H2BC9: variants seen among roughly 807,000 people sequenced by gnomAD.
H2BC9 encodes the protein histone H2B type 1-H.
In H2BC9, 11 loss-of-function variants were observed where a neutral mutation model predicts 5.8. The observed-to-expected ratio is 1.89, with a 90% CI of 1.19 to 3.12. The LOEUF is 3.12. Ranked by LOEUF, H2BC9 falls within the 30% of genes most tolerant of loss-of-function variation. The pLI is 0.00. For missense variants in H2BC9, 219 were observed against 167.8 expected, an observed-to-expected ratio of 1.30 and a Z score of -1.68; for synonymous variants, 136 against 72.2, an observed-to-expected ratio of 1.88 and a Z score of -4.48.
rs1159649937 is a variant in H2BC9, at chr6:26,251,775, T to TGTA, written c.125_126insGTA (p.Tyr43dup). 2.5e-6 allele frequency: 4 copies of TGTA among 1,614,142 alleles called. No homozygotes were observed. In the East Asian group the frequency reaches 8.9e-5, roughly 36 times the overall value. ...CGCAAGGAGAGCTACTCCGTATACGTTTACAAGGTGCTGAAGCAAGTCCAC... is the reference window on the plus strand; with the variant it reads ...CGCAAGGAGAGCTACTCCGTATACGTGTATTACAAGGTGCTGAAGCAAGTCCAC... On this transcript the variant is annotated inframe_insertion, in exon 1 of 1. Transcript: ENST00000619466.
chr6:26,251,806 C>T lies in H2BC9; in HGVS notation c.156C>T (p.Asp52=), dbSNP rs762786034. 27 of 1,614,136 alleles carry T rather than the reference C, an allele frequency of 1.7e-5. No individual in the cohort carries two copies. The highest frequency in any genetic ancestry group is 1.1e-4 in the East Asian group (5 of 44,902). Residue 52 remains aspartate (D), a synonymous_variant, in exon 1 of 1, where the codon GAC becomes GAT. Transcript: ENST00000619466. ...VYKVLKQVHP[D]TGISSKAMGI... ...AGGTGCTGAAGCAAGTCCACCCCGA[C>T]ACCGGCATCTCCTCCAAAGCCATGG...
At position 26,251,711 on chromosome 6, in the gene H2BC9, A is replaced by T; in HGVS notation, c.61A>T (p.Lys21Ter). ...PKKGSKKAVT[K>*]AQKKDGKKRK... ...GAAGGGCTCCAAGAAGGCGGTGACC[A>T]AGGCGCAGAAGAAGGATGGCAAGAA... The change falls in exon 1 of 1, where the codon AAG (lysine) becomes TAG (stop). Residue 21 changes from lysine (K) to a stop codon, truncating the protein, a stop_gained. Transcript: ENST00000619466. LOFTEE classifies it high-confidence loss of function. The T allele has an allele frequency of 6.2e-7, 1 of 1,614,180 alleles. No homozygotes were observed. Among genetic ancestry groups the T allele is most frequent in the Non-Finnish European group, 8.5e-7 (1 of 1,180,028 alleles).
rs751865024 is a variant in H2BC9, at chr6:26,251,758, G to A, written c.108G>A (p.Glu36=). The A allele has an allele frequency of 2.4e-5, 39 of 1,614,228 alleles. No homozygotes were observed. Among genetic ancestry groups the A allele is most frequent in the Admixed American group, 1.8e-4 (11 of 60,030 alleles). Residue 36 remains glutamate (E), a synonymous_variant, in exon 1 of 1, where the codon GAG becomes GAA. Transcript: ENST00000619466. ...DGKKRKRSRK[E]SYSVYVYKVL... is the part of the protein sequence containing the mutation. ...AGAAGCGTAAACGCAGCCGCAAGGA[G>A]AGCTACTCCGTATACGTTTACAAGG...
At position 26,251,774 on chromosome 6, in the gene H2BC9, G is replaced by A. The variant is rs1326599450; in HGVS notation, c.124G>A (p.Val42Ile). The A allele has an allele frequency of 5.0e-6, 8 of 1,614,102 alleles. No homozygotes were observed. In the African/African-American group the frequency reaches 5.3e-5, roughly 11 times the overall value. ...RSRKESYSVY[V>I]YKVLKQVHPD... Reference sequence around the variant, plus strand: ...CCGCAAGGAGAGCTACTCCGTATACGTTTACAAGGTGCTGAAGCAAGTCCA... The same window carrying A: ...CCGCAAGGAGAGCTACTCCGTATACATTTACAAGGTGCTGAAGCAAGTCCA... The change falls in exon 1 of 1, where the codon GTT becomes ATT. Residue 42 changes from valine to isoleucine, a missense_variant. Coordinates refer to ENST00000619466, the MANE Select transcript of H2BC9 (RefSeq NM_003524.3).
Position 26,251,932 on chromosome 6 carries a change from G to A in H2BC9, c.282G>A (p.Glu94=), listed in dbSNP as rs545075641. The A allele has an allele frequency of 4.3e-6, 7 of 1,614,242 alleles. No individual in the cohort carries two copies. In the Admixed American group the frequency reaches 6.7e-5, roughly 15 times the overall value. The stretch of plus-strand genomic sequence containing the variant: ...AGCGTTCGACCATCACCTCCAGGGA[G>A]ATCCAGACAGCCGTGCGCCTGCTGC... The part of the protein sequence containing the change: ...YNKRSTITSR[E]IQTAVRLLLP... Residue 94 remains glutamate, a synonymous_variant, in exon 1 of 1, where the codon GAG becomes GAA. Coordinates refer to ENST00000619466, the MANE Select transcript of H2BC9 (RefSeq NM_003524.3).
In H2BC9 at chr6:26,251,900, T is replaced by G; in HGVS notation, c.250T>G (p.Tyr84Asp). 1 of 1,614,178 alleles carries G rather than the reference T, an allele frequency of 6.2e-7. No individual in the cohort carries two copies. The highest frequency in any genetic ancestry group is 8.5e-7 in the Non-Finnish European group (1 of 1,180,030). ...CGGCGAGGCTTCCCGCCTGGCTCAT[T>G]ACAACAAGCGTTCGACCATCACCTC... ...IAGEASRLAH[Y>D]NKRSTITSRE... Residue 84 changes from tyrosine (Y) to aspartate (D), a missense_variant, in exon 1 of 1, where the codon TAC (tyrosine) becomes GAC (aspartate). Physicochemically the swap from Tyr to Asp is radical, Grantham distance 160. Transcript: ENST00000619466.
rs775679677 is a variant in H2BC9 at position 26,251,973 on chromosome 6, C to A, written c.323C>A (p.Ala108Asp). The A allele has an allele frequency of 6.2e-7, 1 of 1,614,238 alleles. No individual in the cohort carries two copies. The highest frequency in any genetic ancestry group is 8.5e-7 in the Non-Finnish European group (1 of 1,180,044). ...CGCCTGCTGCTGCCTGGGGAACTGG[C>A]CAAGCACGCCGTGTCCGAGGGCACT... is the stretch of plus-strand genomic sequence containing the variant. Reference protein sequence around the residue: ...AVRLLLPGELAKHAVSEGTKA... With the variant: ...AVRLLLPGELDKHAVSEGTKA... The change falls in exon 1 of 1, where the codon GCC becomes GAC. Residue 108 changes from alanine (A) to aspartate (D), a missense_variant. Transcript: ENST00000619466.
Position 26,251,937 on chromosome 6 carries a change from A to G in H2BC9, c.287A>G (p.Gln96Arg). The G allele has an allele frequency of 6.2e-7, 1 of 1,614,230 alleles. No homozygotes were observed. Among genetic ancestry groups the G allele is most frequent in the Non-Finnish European group, 8.5e-7 (1 of 1,180,046 alleles). Residue 96 changes from glutamine (Q) to arginine (R), a missense_variant, in exon 1 of 1, where the codon CAG becomes CGG. Physicochemically the swap from Gln to Arg is conservative, Grantham distance 43 (BLOSUM62 1). Coordinates refer to ENST00000619466, the MANE Select transcript of H2BC9 (RefSeq NM_003524.3). The part of the protein sequence containing the change: ...KRSTITSREI[Q>R]TAVRLLLPGE... Reference sequence around the variant, plus strand: ...TCGACCATCACCTCCAGGGAGATCCAGACAGCCGTGCGCCTGCTGCTGCCT... The same window carrying G: ...TCGACCATCACCTCCAGGGAGATCCGGACAGCCGTGCGCCTGCTGCTGCCT...
rs1760074364 is a variant in H2BC9, at chr6:26,251,672, G to C, written c.22G>C (p.Ala8Pro). MPDPAKSAPAPKKGSKKA... is the reference protein window; with the variant it reads MPDPAKSPPAPKKGSKKA... ...TGCAATGCCTGATCCAGCTAAGTCC[G>C]CTCCCGCCCCGAAGAAGGGCTCCAA... The change falls in exon 1 of 1, where the codon GCT becomes CCT. Residue 8 changes from alanine (A) to proline (P), a missense_variant. Ala to Pro is a conservative substitution (Grantham distance 27). Transcript: ENST00000619466. 9.3e-6 allele frequency: 15 copies of C among 1,614,070 alleles called. No homozygotes were observed. Among genetic ancestry groups the C allele is most frequent in the Non-Finnish European group, 1.3e-5 (15 of 1,180,026 alleles).
At position 26,251,935 on chromosome 6, in the gene H2BC9, C is replaced by A. The variant is rs753701048; in HGVS notation, c.285C>A (p.Ile95=). The change falls in exon 1 of 1, where the codon ATC becomes ATA. Residue 95 remains isoleucine (I), a synonymous_variant. Coordinates refer to ENST00000619466, the MANE Select transcript of H2BC9 (RefSeq NM_003524.3). ...NKRSTITSRE[I]QTAVRLLLPG... ...GTTCGACCATCACCTCCAGGGAGATCCAGACAGCCGTGCGCCTGCTGCTGC... is the reference window on the plus strand; with the variant it reads ...GTTCGACCATCACCTCCAGGGAGATACAGACAGCCGTGCGCCTGCTGCTGC... 161 of 1,614,116 alleles carry A rather than the reference C, an allele frequency of 1.0e-4. No homozygotes were observed. Among genetic ancestry groups the A allele is most frequent in the Admixed American group, 1.3e-4 (8 of 60,016 alleles).
chr6:26,251,636 C>G lies in H2BC9; in HGVS notation c.-15C>G, dbSNP rs779996839. ...TTCACTTTGGGGTGTATTCTTACTCCTTTATCTTGTTGCAATGCCTGATCC... is the reference window on the plus strand; with the variant it reads ...TTCACTTTGGGGTGTATTCTTACTCGTTTATCTTGTTGCAATGCCTGATCC... On this transcript the variant is annotated 5_prime_UTR_variant, in exon 1 of 1. Coordinates refer to ENST00000619466, the MANE Select transcript of H2BC9 (RefSeq NM_003524.3). The G allele has an allele frequency of 6.2e-7, 1 of 1,613,990 alleles. No homozygotes were observed. The highest frequency in any genetic ancestry group is 1.3e-5 in the African/African-American group (1 of 75,016).
chr6:26,251,837 A>T lies in H2BC9; in HGVS notation c.187A>T (p.Met63Leu), dbSNP rs745509152. The change falls in exon 1 of 1, where the codon ATG becomes TTG. Residue 63 changes from methionine to leucine, a missense_variant. Met to Leu is a conservative substitution (Grantham distance 15). Coordinates refer to ENST00000619466, the MANE Select transcript of H2BC9 (RefSeq NM_003524.3). The part of the protein sequence containing the change: ...TGISSKAMGI[M>L]NSFVNDIFER... Reference sequence around the variant, plus strand: ...CATCTCCTCCAAAGCCATGGGGATCATGAATTCCTTTGTCAACGATATCTT... The same window carrying T: ...CATCTCCTCCAAAGCCATGGGGATCTTGAATTCCTTTGTCAACGATATCTT... The T allele has an allele frequency of 5.6e-6, 9 of 1,614,124 alleles. No individual in the cohort carries two copies. The highest frequency in any genetic ancestry group is 3.3e-5 in the South Asian group (3 of 91,094).
Position 26,251,739 on chromosome 6 carries a change from G to A in H2BC9, c.89G>A (p.Arg30His), listed in dbSNP as rs149934542. ...TKAQKKDGKKRKRSRKESYSV... is the reference protein window; with the variant it reads ...TKAQKKDGKKHKRSRKESYSV... ...GCGCAGAAGAAGGATGGCAAGAAGC[G>A]TAAACGCAGCCGCAAGGAGAGCTAC... The change falls in exon 1 of 1, where the codon CGT becomes CAT. Residue 30 changes from arginine (R) to histidine (H), a missense_variant. Transcript: ENST00000619466. 2 of 1,614,186 alleles carry A rather than the reference G, an allele frequency of 1.2e-6. No individual in the cohort carries two copies. Among genetic ancestry groups the A allele is most frequent in the South Asian group, 1.1e-5 (1 of 91,078 alleles).
At position 26,251,737 on chromosome 6, in the gene H2BC9, G is replaced by GC; in HGVS notation, c.88dup (p.Arg30ProfsTer2). 1 of 1,614,206 alleles carries GC rather than the reference G, an allele frequency of 6.2e-7. No homozygotes were observed. The highest frequency in any genetic ancestry group is 1.1e-5 in the South Asian group (1 of 91,084). On this transcript the variant is annotated frameshift_variant, in exon 1 of 1. Coordinates refer to ENST00000619466, the MANE Select transcript of H2BC9 (RefSeq NM_003524.3). LOFTEE classifies it high-confidence loss of function. Reference sequence around the variant, plus strand: ...AGGCGCAGAAGAAGGATGGCAAGAAGCGTAAACGCAGCCGCAAGGAGAGCT... The same window carrying GC: ...AGGCGCAGAAGAAGGATGGCAAGAAGCCGTAAACGCAGCCGCAAGGAGAGCT...
Position 26,251,829 on chromosome 6 carries a change from T to TG in H2BC9, c.183dup (p.Ile62AspfsTer56). 6.2e-7 allele frequency: 1 copy of TG among 1,614,178 alleles called. No homozygotes were observed. The highest frequency in any genetic ancestry group is 1.3e-5 in the African/African-American group (1 of 75,032). The stretch of plus-strand genomic sequence containing the variant: ...GACACCGGCATCTCCTCCAAAGCCA[T>TG]GGGGATCATGAATTCCTTTGTCAAC... On this transcript the variant is annotated frameshift_variant, in exon 1 of 1. Coordinates refer to ENST00000619466, the MANE Select transcript of H2BC9 (RefSeq NM_003524.3). LOFTEE classifies it high-confidence loss of function.
In H2BC9 at chr6:26,251,896, T is replaced by G; in HGVS notation, c.246T>G (p.Ala82=). Residue 82 remains alanine (A), a synonymous_variant, in exon 1 of 1, where the codon GCT becomes GCG. Transcript: ENST00000619466. ...TCGCCGGCGAGGCTTCCCGCCTGGC[T>G]CATTACAACAAGCGTTCGACCATCA... ...ERIAGEASRL[A]HYNKRSTITS... is the part of the protein sequence containing the mutation. The G allele has an allele frequency of 6.2e-7, 1 of 1,614,188 alleles. No individual in the cohort carries two copies. Among genetic ancestry groups the G allele is most frequent in the Non-Finnish European group, 8.5e-7 (1 of 1,180,038 alleles).
Position 26,251,992 on chromosome 6 carries a change from G to C in H2BC9, c.342G>C (p.Glu114Asp), listed in dbSNP as rs751982151. 1 of 1,614,196 alleles carries C rather than the reference G, an allele frequency of 6.2e-7. No individual in the cohort carries two copies. Among genetic ancestry groups the C allele is most frequent in the Non-Finnish European group, 8.5e-7 (1 of 1,180,052 alleles). Reference protein sequence around the residue: ...PGELAKHAVSEGTKAVTKYTS... With the variant: ...PGELAKHAVSDGTKAVTKYTS... ...AACTGGCCAAGCACGCCGTGTCCGA[G>C]GGCACTAAGGCCGTCACCAAGTACA... is the stretch of plus-strand genomic sequence containing the variant. Residue 114 changes from glutamate (E) to aspartate (D), a missense_variant, in exon 1 of 1, where the codon GAG (glutamate) becomes GAC (aspartate). Physicochemically the swap from Glu to Asp is conservative, Grantham distance 45 (BLOSUM62 2). Coordinates refer to ENST00000619466, the MANE Select transcript of H2BC9 (RefSeq NM_003524.3).
At position 26,251,648 on chromosome 6, in the gene H2BC9, G is replaced by T. The variant is rs778850531; in HGVS notation, c.-3G>T. On this transcript the variant is annotated 5_prime_UTR_variant, in exon 1 of 1. Coordinates refer to ENST00000619466, the MANE Select transcript of H2BC9 (RefSeq NM_003524.3). Reference sequence around the variant, plus strand: ...TGTATTCTTACTCCTTTATCTTGTTGCAATGCCTGATCCAGCTAAGTCCGC... The same window carrying T: ...TGTATTCTTACTCCTTTATCTTGTTTCAATGCCTGATCCAGCTAAGTCCGC... 1.2e-6 allele frequency: 2 copies of T among 1,613,894 alleles called. No individual in the cohort carries two copies. Among genetic ancestry groups the T allele is most frequent in the African/African-American group, 1.3e-5 (1 of 74,888 alleles).
Position 26,251,766 on chromosome 6 carries a change from C to G in H2BC9, c.116C>G (p.Ser39Cys), listed in dbSNP as rs1191828619. ...KRKRSRKESY[S>C]VYVYKVLKQV... ...AAACGCAGCCGCAAGGAGAGCTACT[C>G]CGTATACGTTTACAAGGTGCTGAAG... is the stretch of plus-strand genomic sequence containing the variant. The change falls in exon 1 of 1, where the codon TCC (serine) becomes TGC (cysteine). Residue 39 changes from serine (S) to cysteine (C), a missense_variant. By Grantham distance (112) the Ser-to-Cys change is moderately radical. Coordinates refer to ENST00000619466, the MANE Select transcript of H2BC9 (RefSeq NM_003524.3). 5.6e-6 allele frequency: 9 copies of G among 1,614,218 alleles called. No individual in the cohort carries two copies. The East Asian group carries it at 2.0e-4, about 36-fold the overall frequency.
Sources: gnomAD v4.1 joint callset for allele counts on GRCh38, gnomAD v4.1.1 for gene constraint, MANE v1.5 for transcripts, NCBI Gene and HGNC (gene_info 2026-07-23, HGNC 2026-07-21) for gene names.